LMX1B: variants seen among roughly 807,000 people sequenced by gnomAD.
LMX1B encodes LIM homeobox transcription factor 1-beta.
In LMX1B, 12 loss-of-function variants were observed where a neutral mutation model predicts 51.4. The observed-to-expected ratio is 0.23, with a 90% CI of 0.15 to 0.38. The LOEUF is 0.38. Ranked by LOEUF, LMX1B falls within the 10% of genes least tolerant of loss-of-function variation. LMX1B has a pLI of 1.00. For missense variants in LMX1B, 445 were observed against 571.1 expected (o/e 0.78, Z 2.25); for synonymous variants, 237 against 235.4 (o/e 1.01, Z -0.06).
At chr9:126,691,763 C>T (rs578126990) in intron 3 of LMX1B, among the ~76,000 whole-genome samples, 57 of 152,320 alleles carry the variant, frequency 3.7e-4, no homozygotes, top group African/African-American at 1.3e-3. Context: ...GAGCCTTCAG[C>T]AGTGAGAAGC....
At chr9:126,687,420 G>T (rs1450175539) in intron 2 of LMX1B, among the ~76,000 whole-genome samples, 1 of 151,924 alleles carries the variant, frequency 6.6e-6, no homozygotes, top group Non-Finnish European at 1.5e-5. Context: ...AGTAGAGACG[G>T]GGTTTCACCA....
At position 126,696,739 on chromosome 9, in the gene LMX1B, T is replaced by C. The variant is rs2030352728; in HGVS notation, c.*288T>C. 1 of 531,342 alleles carries C rather than the reference T, an allele frequency of 1.9e-6. No homozygotes were observed. The highest frequency in any genetic ancestry group is 2.2e-5 in the South Asian group (1 of 44,468). The allele number at this position is 531,342 out of a possible 1,614,324, so 32.9% of individuals were successfully genotyped here. On this transcript the variant is annotated 3_prime_UTR_variant, in exon 8 of 8. Coordinates refer to ENST00000373474, the MANE Select transcript of LMX1B (RefSeq NM_001174147.2). ...CCTCCCAGCCCCACCTCGGCCTCCA[T>C]CGCCTCCTCCCCATCTCTTTTTTGG...
At chr9:126,679,786 C>T (rs1226023696) in intron 2 of LMX1B, among the ~76,000 whole-genome samples, 3 of 152,272 alleles carry the variant, frequency 2.0e-5, no homozygotes. Flanking sequence ...CAACTTCTCC[C>T]TCCCAGAATG....
chr9:126,666,552 T>C (rs1167878803), intron 2 of LMX1B, among the ~76,000 whole-genome samples: 9 of 142,518 alleles, frequency 6.3e-5, no homozygotes, highest in Non-Finnish European at 1.4e-4. Flanking sequence ...AGAAGGGAAG[T>C]GAGAAAAACA....
At chr9:126,643,620 CA>C (rs765526463) in intron 2 of LMX1B, among the ~76,000 whole-genome samples, 1 of 152,040 alleles carries the variant, frequency 6.6e-6, no homozygotes, top group African/African-American at 2.4e-5. Context: ...CACTTTTGGG[CA>C]AAAGGGGATG....
In LMX1B at chr9:126,696,565, G is replaced by A. The variant is rs961581751; in HGVS notation, c.*114G>A. On this transcript the variant is annotated 3_prime_UTR_variant, in exon 8 of 8. Coordinates refer to ENST00000373474, the MANE Select transcript of LMX1B (RefSeq NM_001174147.2). ...CCGCACAGACTACAGACAGCCATACGGTGCCCTCCCCTCGGCCAGCTGGGC... is the reference window on the plus strand; with the variant it reads ...CCGCACAGACTACAGACAGCCATACAGTGCCCTCCCCTCGGCCAGCTGGGC... 17 of 1,298,792 alleles carry A rather than the reference G, an allele frequency of 1.3e-5. No homozygotes were observed. The African/African-American group carries it at 1.6e-4, about 12-fold the overall frequency. 80.5% of individuals were successfully genotyped at this position (1,298,792 alleles called of 1,614,324 possible). A position where few individuals can be genotyped will look rare whatever the true frequency, so the allele number is the denominator to read the frequency against.
chr9:126,651,813 G>A (rs1287548329), intron 2 of LMX1B, among the ~76,000 whole-genome samples: 1 of 152,150 alleles, frequency 6.6e-6, no homozygotes, highest in Non-Finnish European at 1.5e-5. Flanking sequence ...TGAGCTGGGA[G>A]TTCAACAGGC....
Position 126,641,084 on chromosome 9 carries a change from A to T in LMX1B, c.326+25515A>T, listed in dbSNP as rs1033492507. 2.0e-5 allele frequency: 3 copies of T among 152,318 alleles called. No individual in the cohort carries two copies. The highest frequency in any genetic ancestry group is 7.2e-5 in the African/African-American group (3 of 41,474). The allele number at this position is 152,318 out of a possible 1,614,324, so 9.4% of individuals were successfully genotyped here. A position where few individuals can be genotyped will look rare whatever the true frequency, so the allele number is the denominator to read the frequency against. On this transcript the variant is annotated intron_variant, in intron 2 of 7. Transcript: ENST00000373474. This position sits in a 1 kb window ranked among gnomAD's most constrained non-coding sequence, Gnocchi z 4.1. ...GACGAGTACACCGAGTTTCTCCACG[A>T]GGCACAGAGCTGAGTAGGCAACCTG...
Position 126,667,760 on chromosome 9 carries a change from G to C in LMX1B, c.327-23076G>C, listed in dbSNP as rs546095786. 3.3e-5 allele frequency among the ~76,000 whole-genome samples: 5 copies of C among 152,220 alleles called. 1 individual carries two copies. Among genetic ancestry groups the C allele is most frequent in the Non-Finnish European group, 7.3e-5 (5 of 68,040 alleles). ...GAGACCAAGACCGTGTGCCTTCAGA[G>C]AGTTTCCAGAAGAAAGGGATGGCCA... On this transcript the variant is annotated intron_variant, in intron 2 of 7. Coordinates refer to ENST00000373474, the MANE Select transcript of LMX1B (RefSeq NM_001174147.2).
At chr9:126,621,447 G>A (rs747566243) in intron 2 of LMX1B, among the ~76,000 whole-genome samples, 2 of 152,140 alleles carry the variant, frequency 1.3e-5, no homozygotes, top group Non-Finnish European at 2.9e-5. Context: ...GTGGAGAGAC[G>A]GTGGTAGTGA....
At chr9:126,652,776 T>C (rs1836046114) in intron 2 of LMX1B, among the ~76,000 whole-genome samples, 1 of 152,198 alleles carries the variant, frequency 6.6e-6, no homozygotes, top group South Asian at 2.1e-4. Context: ...ACCTGGAGCC[T>C]GTGGGAACAA....
chr9:126,699,439 T>C lies in LMX1B; in HGVS notation c.*2988T>C, dbSNP rs563201740. 2.6e-5 allele frequency: 4 copies of C among 152,168 alleles called. No individual in the cohort carries two copies. The highest frequency in any genetic ancestry group is 2.1e-4 in the South Asian group (1 of 4,820). 9.4% of individuals were successfully genotyped at this position (152,168 alleles called of 1,614,324 possible). A position where few individuals can be genotyped will look rare whatever the true frequency, so the allele number is the denominator to read the frequency against. Reference sequence around the variant, plus strand: ...GCCGGGACCCCATGCCAGGAGCTGGTCTAGGGACAGCATGCTTGTGACCCA... The same window carrying C: ...GCCGGGACCCCATGCCAGGAGCTGGCCTAGGGACAGCATGCTTGTGACCCA... On this transcript the variant is annotated 3_prime_UTR_variant, in exon 8 of 8. Coordinates refer to ENST00000373474, the MANE Select transcript of LMX1B (RefSeq NM_001174147.2).
At chr9:126,639,342 C>A (rs532249448) in intron 2 of LMX1B, among the ~76,000 whole-genome samples, 2 of 152,294 alleles carry the variant, frequency 1.3e-5, no homozygotes, top group East Asian at 1.9e-4. Flanking sequence ...GCCAGCCTGC[C>A]CCTCCATCAT....
chr9:126,680,014 G>C (rs891242391), intron 2 of LMX1B, among the ~76,000 whole-genome samples: 1 of 152,180 alleles, frequency 6.6e-6, no homozygotes, highest in Admixed American at 6.5e-5. Flanking sequence ...CCTGGCTCTG[G>C]GCCTGGCCTA....
chr9:126,656,382 T>TAG (rs1836115141), intron 2 of LMX1B, among the ~76,000 whole-genome samples: 1 of 130,336 alleles, frequency 7.7e-6, no homozygotes, highest in African/African-American at 2.9e-5. Flanking sequence ...AGATCTGGTC[T>TAG]TTAGATAGAT....
chr9:126,696,219 A>C, intron 7 of LMX1B, 75 bp from the exon 8 acceptor site: 1 of 1,440,666 alleles, frequency 6.9e-7, no homozygotes, highest in Non-Finnish European at 9.8e-7. Context: ...CCAGTCACAC[A>C]GCCTACAGGG....
chr9:126,624,217 AC>A (rs1835476102), intron 2 of LMX1B, among the ~76,000 whole-genome samples: 1 of 151,802 alleles, frequency 6.6e-6, no homozygotes, highest in Non-Finnish European at 1.5e-5. Flanking sequence ...CGTTTCGGGG[AC>A]CCTTGGTGGC....
At chr9:126,657,791 A>G (rs1355484513) in intron 2 of LMX1B, among the ~76,000 whole-genome samples, 1 of 152,216 alleles carries the variant, frequency 6.6e-6, no homozygotes, top group African/African-American at 2.4e-5. Flanking sequence ...AAGTCAAGGA[A>G]CCGCAGGGAG....
chr9:126,659,003 G>A (rs1836175648), intron 2 of LMX1B, among the ~76,000 whole-genome samples: 1 of 152,224 alleles, frequency 6.6e-6, no homozygotes, highest in African/African-American at 2.4e-5. Flanking sequence ...GGGCTGAGAG[G>A]CGGGTGTTCT....
Sources: gnomAD v4.1 joint callset for allele counts (sites outside exome capture counted in the v4.1 genomes callset) on GRCh38, gnomAD v4.1.1 for gene constraint, Gnocchi (gnomAD v3.1) non-coding constraint, MANE v1.5 for transcripts, NCBI Gene and HGNC (gene_info 2026-07-23, HGNC 2026-07-21) for gene names.